Variants in FGGY observed in about 807,000 individuals in gnomAD.
FGGY encodes FGGY carbohydrate kinase domain-containing protein.
FGGY carries 72 observed loss-of-function variants against 71.3 expected under a neutral mutation model. The ratio of observed to expected loss-of-function variants is 1.01; its 90% CI spans 0.84 to 1.23. The LOEUF is 1.23. Ranked by LOEUF, FGGY falls within the 50% of genes most tolerant of loss-of-function variation. The pLI is 0.00. For missense variants in FGGY, 668 were observed against 682.3 expected, an observed-to-expected ratio of 0.98 and a Z score of 0.23; for synonymous variants, 251 against 250.3, an observed-to-expected ratio of 1.00 and a Z score of -0.02.
chr1:59,663,518 A>G (rs2097297035), intron 12 of FGGY, among the ~76,000 whole-genome samples: 1 of 152,188 alleles, frequency 6.6e-6, no homozygotes, highest in Non-Finnish European at 1.5e-5. Flanking sequence ...AGGAGAGGGG[A>G]AGAAAAAAAG....
chr1:59,653,310 A>T (rs1233835050), intron 11 of FGGY, among the ~76,000 whole-genome samples: 1 of 152,094 alleles, frequency 6.6e-6, no homozygotes, highest in African/African-American at 2.4e-5. Context: ...TGCTTTGTTT[A>T]CCTAAGCAAG....
chr1:59,443,470 G>A (rs543022713), intron 5 of FGGY, among the ~76,000 whole-genome samples: 397 of 152,166 alleles, frequency 2.6e-3, no homozygotes, highest in Non-Finnish European at 4.5e-3. Flanking sequence ...AGTGGCTTTA[G>A]AATAGCTTTG....
chr1:59,613,790 A>G (rs186817152), intron 9 of FGGY, among the ~76,000 whole-genome samples: 182 of 152,280 alleles, frequency 1.2e-3, no homozygotes, highest in African/African-American at 4.2e-3. Flanking sequence ...AATCAAATAG[A>G]CACAATAAAA....
intron 6 of FGGY, among the ~76,000 whole-genome samples, chr1:59,505,520 C>T (rs4423033): frequency 6.6e-6 from 1 of 152,170 alleles, no homozygotes; most frequent in African/African-American, 2.4e-5. Flanking sequence ...GAGCTGGGGG[C>T]TGGCCCCCAG....
chr1:59,514,240 G>A (rs2094585144), intron 7 of FGGY, among the ~76,000 whole-genome samples: 1 of 152,190 alleles, frequency 6.6e-6, no homozygotes, highest in African/African-American at 2.4e-5. Context: ...TGGGGTGACA[G>A]TGTCAATCAT....
At chr1:59,666,658 A>T (rs1028793914) in intron 12 of FGGY, among the ~76,000 whole-genome samples, 1 of 152,238 alleles carries the variant, frequency 6.6e-6, no homozygotes, top group Non-Finnish European at 1.5e-5. Flanking sequence ...TGAAGCCCTG[A>T]AACAACCAGG....
intron 5 of FGGY, among the ~76,000 whole-genome samples, chr1:59,411,069 G>A (rs374163030): frequency 6.6e-6 from 1 of 152,184 alleles, no homozygotes; most frequent in South Asian, 2.1e-4. Context: ...TGCTAGTTTT[G>A]CCAGTTGTCA....
chr1:59,415,690 C>T (rs987133801), intron 5 of FGGY, among the ~76,000 whole-genome samples: 1 of 152,212 alleles, frequency 6.6e-6, no homozygotes, highest in East Asian at 1.9e-4. Flanking sequence ...TTTTCTCCAC[C>T]ACTAGACTGT....
intron 2 of FGGY, among the ~76,000 whole-genome samples, chr1:59,339,637 GTATTT>G (rs1318932388): frequency 6.6e-5 from 10 of 151,714 alleles, no homozygotes; most frequent in Non-Finnish European, 1.5e-5. Context: ...GCTAATTTTC[GTATTT>G]TTAGTAGAGA....
At chr1:59,407,815 G>C (rs1022849060) in intron 5 of FGGY, among the ~76,000 whole-genome samples, 3 of 152,140 alleles carry the variant, frequency 2.0e-5, no homozygotes, top group African/African-American at 7.2e-5. Context: ...TTAACAGAAA[G>C]GCCTTCAGAG....
At chr1:59,630,816 T>C (rs2096901483) in intron 10 of FGGY, among the ~76,000 whole-genome samples, 1 of 152,200 alleles carries the variant, frequency 6.6e-6, no homozygotes, top group Non-Finnish European at 1.5e-5. Flanking sequence ...GAGTCAGAAC[T>C]GGATTTAAAT....
At chr1:59,314,928 G>A (rs962853931) in intron 1 of FGGY, among the ~76,000 whole-genome samples, 1 of 152,202 alleles carries the variant, frequency 6.6e-6, no homozygotes, top group Admixed American at 6.5e-5. Context: ...GACTATGTGT[G>A]TGATGTTGTT....
At chr1:59,606,065 A>G (rs1325881672) in intron 8 of FGGY, among the ~76,000 whole-genome samples, 2 of 152,180 alleles carry the variant, frequency 1.3e-5, no homozygotes, top group Non-Finnish European at 2.9e-5. Flanking sequence ...CACATGGTCT[A>G]TCCCCACCCG....
chr1:59,468,848 C>T (rs2092786893), intron 6 of FGGY, among the ~76,000 whole-genome samples: 2 of 147,400 alleles, frequency 1.4e-5, no homozygotes, highest in African/African-American at 5.1e-5. Flanking sequence ...CTCCAGTCTG[C>T]TCCACTGAGC....
At chr1:59,613,840 C>A (rs1282599819) in intron 9 of FGGY, among the ~76,000 whole-genome samples, 1 of 152,174 alleles carries the variant, frequency 6.6e-6, no homozygotes, top group African/African-American at 2.4e-5. Context: ...CATAGAAATA[C>A]AAACTACCAT....
rs547257160 is a variant in FGGY, at chr1:59,374,142, A to G, written c.466-4607A>G. 9.2e-5 allele frequency among the ~76,000 whole-genome samples: 14 copies of G among 152,320 alleles called. 1 individual carries two copies. In the East Asian group the frequency reaches 2.3e-3, roughly 25 times the overall value. ...ACCCACAAAATGGCAGAAAATTTTC[A>G]CAACCTACTCATCTGACAAAGGGCT... On this transcript the variant is annotated intron_variant, in intron 4 of 15. Transcript: ENST00000303721.
intron 5 of FGGY, among the ~76,000 whole-genome samples, chr1:59,417,496 A>G (rs895171122): frequency 1.3e-5 from 2 of 152,240 alleles, no homozygotes; most frequent in African/African-American, 2.4e-5. Flanking sequence ...TGGTAACACC[A>G]TGTTTAACCC....
chr1:59,329,035 G>A (rs548154176), intron 2 of FGGY, among the ~76,000 whole-genome samples: 1 of 152,168 alleles, frequency 6.6e-6, no homozygotes, highest in Non-Finnish European at 1.5e-5. Flanking sequence ...GGTGACATGA[G>A]CTATTGGAAA....
chr1:59,445,044 T>C (rs969430640), intron 5 of FGGY, among the ~76,000 whole-genome samples: 1 of 152,202 alleles, frequency 6.6e-6, no homozygotes, highest in African/African-American at 2.4e-5. Flanking sequence ...TCTTCATGGA[T>C]TTTTCTCTTT....
Sources: allele counts gnomAD v4.1 joint callset (sites outside exome capture counted in the v4.1 genomes callset), GRCh38; gene constraint gnomAD v4.1.1; transcripts MANE v1.5; gene names NCBI Gene and HGNC (gene_info 2026-07-23, HGNC 2026-07-21).